The following CYP26C1 variants were observed in gnomAD, a reference collection of about 807,000 sequenced individuals.
The protein encoded by CYP26C1 is cytochrome P450 family 26 subfamily C member 1, also known as cytochrome P450 26C1.
CYP26C1 carries 41 observed loss-of-function variants against 39.1 expected under a neutral mutation model. That is an observed-to-expected ratio of 1.05 (90% CI 0.82 to 1.36). CYP26C1 has a LOEUF of 1.36. CYP26C1 is among the 40% of genes most tolerant of loss of function. The pLI, the probability that CYP26C1 is intolerant of heterozygous loss-of-function variation, is 0.00. For missense variants in CYP26C1, 833 were observed against 752.0 expected (o/e 1.11, Z -1.26); for synonymous variants, 362 against 350.8 (o/e 1.03, Z -0.36).
chr10:93,063,582 C>T (rs1846779511), intron 3 of CYP26C1: 7 of 985,658 alleles, frequency 7.1e-6, no homozygotes, highest in Non-Finnish European at 8.4e-6. Flanking sequence ...GCCTTTTGGT[C>T]CCCCTATTCT....
chr10:93,064,558 C>T, intron 4 of CYP26C1, 22 bp downstream of exon 4: 1 of 1,601,386 alleles, frequency 6.2e-7, no homozygotes, highest in Admixed American at 1.7e-5. Context: ...CAGGCCGCTC[C>T]TTCTCCCCTC....
At position 93,068,794 on chromosome 10, in the gene CYP26C1, CTT is replaced by C. The variant is rs1320537565; in HGVS notation, c.*99_*100del. 1.4e-6 allele frequency: 2 copies of C among 1,419,782 alleles called. No individual in the cohort carries two copies. The highest frequency in any genetic ancestry group is 1.8e-6 in the Non-Finnish European group (2 of 1,084,218). 87.9% of individuals were successfully genotyped at this position (1,419,782 alleles called of 1,614,324 possible). On this transcript the variant is annotated 3_prime_UTR_variant, in exon 6 of 6. Transcript: ENST00000651965. ...CCCATTGTAGCGTCGCGCGCCCACT[CTT>C]TCACTCGTTCAACAATCTTTCAACA...
At chr10:93,066,527 T>C (rs1846831920) in intron 5 of CYP26C1, among the ~76,000 whole-genome samples, 1 of 152,188 alleles carries the variant, frequency 6.6e-6, no homozygotes, top group Admixed American at 6.5e-5. Flanking sequence ...AGGTTAGGGA[T>C]CTCGTACCCT....
chr10:93,066,601 C>T (rs1229245480), intron 5 of CYP26C1, among the ~76,000 whole-genome samples: 1 of 152,178 alleles, frequency 6.6e-6, no homozygotes, highest in East Asian at 1.9e-4. Context: ...AATAAAAATA[C>T]TCTTCTATCC....
intron 1 of CYP26C1, 29 bp from the exon 2 acceptor site, chr10:93,061,981 C>T: frequency 1.3e-6 from 2 of 1,543,590 alleles, no homozygotes; most frequent in Non-Finnish European, 1.8e-6. Context: ...CCAGAAGTTC[C>T]AGCTCTCCAC....
chr10:93,063,150 G>A (rs1564951796), intron 3 of CYP26C1, 155 bp downstream of exon 3: 1 of 1,396,444 alleles, frequency 7.2e-7, no homozygotes, highest in Non-Finnish European at 9.2e-7. Context: ...TGTGGCGGTG[G>A]CGTGGCGGTG....
At chr10:93,066,726 G>C (rs1025815834) in intron 5 of CYP26C1, among the ~76,000 whole-genome samples, 1 of 152,178 alleles carries the variant, frequency 6.6e-6, no homozygotes, top group Admixed American at 6.5e-5. Flanking sequence ...CCCTCATTGC[G>C]ACCGGTCCAG....
Position 93,068,822 on chromosome 10 carries a change from A to G in CYP26C1, c.*125A>G. ...TCACTCGTTCAACAATCTTTCAACAAATGTTCGCCAAACGCGGATGTGTGC... is the reference window on the plus strand; with the variant it reads ...TCACTCGTTCAACAATCTTTCAACAGATGTTCGCCAAACGCGGATGTGTGC... On this transcript the variant is annotated 3_prime_UTR_variant, in exon 6 of 6. Transcript: ENST00000651965. The G allele has an allele frequency of 1.5e-6, 2 of 1,370,250 alleles. No homozygotes were observed. The allele number at this position is 1,370,250 out of a possible 1,614,324, so 84.9% of individuals were successfully genotyped here.
intron 3 of CYP26C1, chr10:93,063,441 C>A: frequency 1.0e-6 from 1 of 990,468 alleles, no homozygotes; most frequent in Non-Finnish European, 1.2e-6. Flanking sequence ...AGCGCCAGCC[C>A]CGGACCCAGG....
chr10:93,066,341 TGCC>T, intron 5 of CYP26C1, 56 bp downstream of exon 5: 1 of 1,239,044 alleles, frequency 8.1e-7, no homozygotes, highest in Non-Finnish European at 1.0e-6. Flanking sequence ...GCCTGCCGCC[TGCC>T]GCCTGCCGCC....
chr10:93,064,530 G>A lies in CYP26C1; in HGVS notation c.855G>A (p.Glu285=). ...RELGHEPSMQ[E]LKESAVELLF... ...TGGGCCATGAGCCCTCCATGCAGGA[G>A]CTGAAGGTAGGTGCTGACAGGCCGC... The change falls in exon 4 of 6, where the codon GAG becomes GAA. Residue 285 remains glutamate, a synonymous_variant. Coordinates refer to ENST00000651965, the MANE Select transcript of CYP26C1 (RefSeq NM_183374.3). The A allele has an allele frequency of 1.9e-6, 3 of 1,611,142 alleles. No homozygotes were observed. Among genetic ancestry groups the A allele is most frequent in the Non-Finnish European group, 2.5e-6 (3 of 1,177,752 alleles).
At chr10:93,062,585 G>C in intron 2 of CYP26C1, 135 bp from the exon 3 acceptor site, 1 of 808,494 alleles carries the variant, frequency 1.2e-6, no homozygotes, top group Non-Finnish European at 1.8e-6. Flanking sequence ...AATGGCGAAA[G>C]CAAAAGCCAG....
chr10:93,062,465 C>G (rs1479517608), intron 2 of CYP26C1, among the ~76,000 whole-genome samples: 1 of 152,186 alleles, frequency 6.6e-6, no homozygotes, highest in Non-Finnish European at 1.5e-5. Context: ...ATAGCAGAAG[C>G]GCTGGAGACT....
At chr10:93,064,146 C>T in intron 3 of CYP26C1, 2 of 1,283,892 alleles carry the variant, frequency 1.6e-6, no homozygotes, top group Non-Finnish European at 1.0e-6. Flanking sequence ...GACAGTAACT[C>T]TGCTGTGGCT....
chr10:93,068,527 G>A lies in CYP26C1; in HGVS notation c.1399G>A (p.Ala467Thr), dbSNP rs751728984. The change falls in exon 6 of 6, where the codon GCC becomes ACC. Residue 467 changes from alanine to threonine, a missense_variant. By Grantham distance (58) the Ala-to-Thr change is moderately conservative. Transcript: ENST00000651965. ...CTGCCTCGGCCAGGAGCTGGCGCAA[G>A]CCGTGCTCCAGCTGCTAGCTGTGGA... ...RSCLGQELAQ[A>T]VLQLLAVELV... 8 of 1,603,244 alleles carry A rather than the reference G, an allele frequency of 5.0e-6. No homozygotes were observed. Among genetic ancestry groups the A allele is most frequent in the East Asian group, 2.2e-5 (1 of 44,486 alleles).
intron 3 of CYP26C1, chr10:93,063,848 TG>T: frequency 1.0e-6 from 1 of 985,944 alleles, no homozygotes; most frequent in Non-Finnish European, 1.2e-6. Flanking sequence ...TGAATTACAG[TG>T]CTTTCCCCGG....
intron 1 of CYP26C1, 95 bp from the exon 2 acceptor site, chr10:93,061,915 C>A: frequency 7.8e-7 from 1 of 1,275,702 alleles, no homozygotes; most frequent in Non-Finnish European, 1.1e-6. Flanking sequence ...CAGCCAGGGA[C>A]AGGAAGTTGT....
chr10:93,063,373 CAGATG>C, intron 3 of CYP26C1: 4 of 1,028,524 alleles, frequency 3.9e-6, no homozygotes, highest in Non-Finnish European at 3.5e-6. Flanking sequence ...TTCGGAAGCC[CAGATG>C]GCTGCGGAAC....
At chr10:93,063,098 C>T (rs1292337334) in intron 3 of CYP26C1, 103 bp downstream of exon 3, 17 of 1,465,654 alleles carry the variant, frequency 1.2e-5, no homozygotes, top group South Asian at 5.7e-5. Context: ...GCGTCCGTCA[C>T]CTCTGCTGGG....
Sources: allele counts gnomAD v4.1 joint callset (sites outside exome capture counted in the v4.1 genomes callset), GRCh38; gene constraint gnomAD v4.1.1; transcripts MANE v1.5; gene names NCBI Gene and HGNC (gene_info 2026-07-23, HGNC 2026-07-21).